The following ZNF800 variants were observed in gnomAD, a reference collection of about 807,000 sequenced individuals.
ZNF800 encodes zinc finger protein 800.
In ZNF800, 13 loss-of-function variants were observed where a neutral mutation model predicts 59.5. The ratio of observed to expected loss-of-function variants is 0.22; its 90% confidence interval spans 0.14 to 0.35. ZNF800 has a LOEUF of 0.35. ZNF800 is among the 10% of genes least tolerant of loss of function. The pLI is 1.00. For synonymous variants in ZNF800, 266 were observed against 265.7 expected, an observed-to-expected ratio of 1.00 and a Z score of -0.01; for missense variants, 621 against 783.7, an observed-to-expected ratio of 0.79 and a Z score of 2.48.
Position 127,371,784 on chromosome 7 carries a change from C to G in ZNF800, c.*30G>C. The G allele has an allele frequency of 2.6e-6, 2 of 763,768 alleles. No individual in the cohort carries two copies. The highest frequency in any genetic ancestry group is 2.4e-6 in the Non-Finnish European group (1 of 410,536). 47.3% of individuals were successfully genotyped at this position (763,768 alleles called of 1,614,324 possible). On this transcript the variant is annotated 3_prime_UTR_variant, in exon 6 of 6. Coordinates refer to ENST00000265827, the MANE Select transcript of ZNF800 (RefSeq NM_176814.5). ...TAAAGTCTTTCCACAAAAATGAACTCCAAACCTTTTCGTACATCACTTGAA... is the reference window on the plus strand; with the variant it reads ...TAAAGTCTTTCCACAAAAATGAACTGCAAACCTTTTCGTACATCACTTGAA...
chr7:127,352,897 TACACAC>T (rs10556706), intron 1 of ZNF800, among the ~76,000 whole-genome samples: 1 of 151,018 alleles, frequency 6.6e-6, no homozygotes, highest in Non-Finnish European at 1.5e-5. Flanking sequence ...ATCCCACGAT[TACACAC>T]ACACACACAC....
chr7:127,384,166 C>CT (rs1364636641), intron 3 of ZNF800, among the ~76,000 whole-genome samples: 2 of 135,890 alleles, frequency 1.5e-5, no homozygotes, highest in Admixed American at 1.5e-4. Context: ...GGTACAGGTT[C>CT]TTGTTGATAA....
At chr7:127,352,079 TCATGGATTCAA>T (rs1054856225) in intron 1 of ZNF800, among the ~76,000 whole-genome samples, 17 of 152,082 alleles carry the variant, frequency 1.1e-4, no homozygotes, top group African/African-American at 4.1e-4. Context: ...CCTAATTAGC[TCATGGATTCAA>T]CATTAAGGAT....
rs1800694911 is a variant in ZNF800 at position 127,373,540 on chromosome 7, T to A, written c.1796A>T (p.Lys599Met). The change falls in exon 5 of 6, where the codon AAG becomes ATG. Residue 599 changes from lysine (K) to methionine (M), a missense_variant. Physicochemically the swap from Lys to Met is moderately conservative, Grantham distance 95. Transcript: ENST00000265827. The stretch of plus-strand genomic sequence containing the variant: ...AATACCGACGTCAGCTACTTCATAC[T>A]TTTTACTAGGAGAGTTAGAAGTGCC... Reference protein sequence around the residue: ...HDGTSNSPSKKYEVADVGIEV... With the variant: ...HDGTSNSPSKMYEVADVGIEV... The A allele has an allele frequency of 6.2e-7, 1 of 1,614,184 alleles. No homozygotes were observed. Among genetic ancestry groups the A allele is most frequent in the Non-Finnish European group, 8.5e-7 (1 of 1,180,022 alleles).
At chr7:127,350,837 G>A (rs866242404) in intron 1 of ZNF800, among the ~76,000 whole-genome samples, 1 of 152,332 alleles carries the variant, frequency 6.6e-6, no homozygotes, top group Middle Eastern at 3.4e-3. Context: ...ATGCTGTGTT[G>A]CTGACATCAC....
chr7:127,384,282 G>A (rs529914821), intron 3 of ZNF800, among the ~76,000 whole-genome samples: 5 of 123,012 alleles, frequency 4.1e-5, no homozygotes, highest in Admixed American at 2.0e-4. Context: ...CCTCCAGGCC[G>A]GACTGCAGTG....
At chr7:127,379,836 A>ACCCCCCCCCCCCCCCCCCCCCCCCCCC (rs71179574) in intron 3 of ZNF800, among the ~76,000 whole-genome samples, 2 of 27,632 alleles carry the variant, frequency 7.2e-5, no homozygotes, top group Admixed American at 4.7e-4. Context: ...TACCCTTGCC[A>ACCCCCCCCCCCCCCCCCCCCCCCCCCC]CCCCCCCACC....
At chr7:127,363,882 T>C (rs1025928311) in intron 1 of ZNF800, 1 of 151,928 alleles carries the variant, frequency 6.6e-6, no homozygotes. Context: ...GGACAAGGGG[T>C]TTTTGGCCAA....
chr7:127,376,901 T>A (rs879207745), intron 4 of ZNF800, among the ~76,000 whole-genome samples: 2 of 151,858 alleles, frequency 1.3e-5, no homozygotes, highest in Admixed American at 1.3e-4. Flanking sequence ...TAAAACAATA[T>A]CCAATATTTT....
intron 3 of ZNF800, among the ~76,000 whole-genome samples, chr7:127,383,707 T>A (rs1281213759): frequency 6.6e-6 from 1 of 152,204 alleles, no homozygotes; most frequent in Non-Finnish European, 1.5e-5. Context: ...GATTACTATC[T>A]TGAAGAAACT....
At chr7:127,358,092 G>A (rs1800310054) in intron 1 of ZNF800, among the ~76,000 whole-genome samples, 1 of 151,824 alleles carries the variant, frequency 6.6e-6, no homozygotes, top group South Asian at 2.1e-4. Flanking sequence ...CCTCTAACCT[G>A]TATATTCTAC....
intron 1 of ZNF800, among the ~76,000 whole-genome samples, chr7:127,355,867 G>T (rs1280523230): frequency 6.6e-6 from 1 of 151,970 alleles, no homozygotes; most frequent in Non-Finnish European, 1.5e-5. Context: ...TAATAGGCAG[G>T]GCCCTGAGGT....
chr7:127,375,986 T>C (rs1016357599), intron 4 of ZNF800, among the ~76,000 whole-genome samples: 1 of 151,914 alleles, frequency 6.6e-6, no homozygotes, highest in East Asian at 1.9e-4. Flanking sequence ...GCAAATCCAT[T>C]TACCATTTCA....
chr7:127,383,024 C>A (rs1490895957), intron 3 of ZNF800, among the ~76,000 whole-genome samples: 1 of 152,054 alleles, frequency 6.6e-6, no homozygotes, highest in South Asian at 2.1e-4. Flanking sequence ...TAAAGATATA[C>A]CAGAAGTCAA....
rs558877603 is a variant in ZNF800 at position 127,370,475 on chromosome 7, C to T, written c.*1339G>A. ...TTACAGTCTTTCTAGTTTCCTTTCA[C>T]AGTATATTTTAGTGCAAAGCACTGG... On this transcript the variant is annotated 3_prime_UTR_variant, in exon 6 of 6. Transcript: ENST00000265827. 6.6e-6 allele frequency: 1 copy of T among 152,510 alleles called. No individual in the cohort carries two copies. The highest frequency in any genetic ancestry group is 1.5e-5 in the Non-Finnish European group (1 of 67,970). 9.4% of individuals were successfully genotyped at this position (152,510 alleles called of 1,614,324 possible). A position where few individuals can be genotyped will look rare whatever the true frequency, so the allele number is the denominator to read the frequency against.
chr7:127,355,339 G>A (rs1285438872), intron 1 of ZNF800, among the ~76,000 whole-genome samples: 1 of 152,062 alleles, frequency 6.6e-6, no homozygotes, highest in Non-Finnish European at 1.5e-5. Flanking sequence ...GACAGGCCTG[G>A]TGATCCATTC....
intron 1 of ZNF800, among the ~76,000 whole-genome samples, chr7:127,350,705 A>G (rs1800153707): frequency 6.6e-6 from 1 of 152,150 alleles, no homozygotes; most frequent in African/African-American, 2.4e-5. Flanking sequence ...TTAGAGAAAA[A>G]CATCTTACCC....
At chr7:127,359,267 A>G (rs1800345269) in intron 1 of ZNF800, among the ~76,000 whole-genome samples, 2 of 152,044 alleles carry the variant, frequency 1.3e-5, no homozygotes, top group Non-Finnish European at 2.9e-5. Flanking sequence ...AATCAACTAC[A>G]GTCACGTCAG....
chr7:127,388,451 C>T (rs141316739), intron 2 of ZNF800, among the ~76,000 whole-genome samples: 47 of 152,258 alleles, frequency 3.1e-4, no homozygotes, highest in African/African-American at 1.1e-3. Flanking sequence ...TGAAAACCCA[C>T]ACTACTGTAA....
Sources: gnomAD v4.1 joint callset for allele counts (sites outside exome capture counted in the v4.1 genomes callset) on GRCh38, gnomAD v4.1.1 for gene constraint, MANE v1.5 for transcripts, NCBI Gene and HGNC (gene_info 2026-07-23, HGNC 2026-07-21) for gene names.